TRHDE: variants seen among roughly 807,000 people sequenced by gnomAD.
TRHDE encodes the protein thyrotropin releasing hormone degrading enzyme, also known as thyrotropin-releasing hormone-degrading ectoenzyme.
A neutral mutation model predicts 125.7 loss-of-function variants in TRHDE; 72 were observed. That is an observed-to-expected ratio of 0.57 (90% CI 0.47 to 0.70). The LOEUF (loss-of-function observed/expected upper bound fraction) is 0.70, where lower values mean the gene tolerates loss of function less well. TRHDE is among the 30% of genes least tolerant of loss of function. TRHDE has a pLI of 0.00. For synonymous variants in TRHDE, 509 were observed against 509.1 expected (o/e 1.00, Z 0.00); for missense variants, 1,110 against 1,327.1 (o/e 0.84, Z 2.54).
chr12:72,539,698 A>G (rs1328534421), intron 6 of TRHDE, among the ~76,000 whole-genome samples: 1 of 151,930 alleles, frequency 6.6e-6, no homozygotes, highest in Non-Finnish European at 1.5e-5. Flanking sequence ...TAAATGATGA[A>G]TGGGTTTATA....
chr12:72,133,282 G>A (rs916185573), intron 2 of TRHDE, among the ~76,000 whole-genome samples: 10 of 152,242 alleles, frequency 6.6e-5, no homozygotes, highest in Non-Finnish European at 8.8e-5. Flanking sequence ...AGCAGTAACA[G>A]TGTAAGTAGA....
At chr12:72,518,488 C>T (rs896839166) in intron 6 of TRHDE, among the ~76,000 whole-genome samples, 4 of 151,798 alleles carry the variant, frequency 2.6e-5, no homozygotes, top group African/African-American at 7.3e-5. Flanking sequence ...TTTAGTTTTC[C>T]ATTTGCTTGG....
chr12:72,520,415 C>A (rs1276854033), intron 6 of TRHDE, among the ~76,000 whole-genome samples: 2 of 152,186 alleles, frequency 1.3e-5, no homozygotes, highest in African/African-American at 4.8e-5. Flanking sequence ...CAGGTGCCGA[C>A]CGTCACGCCT....
chr12:72,385,983 AG>A (rs1208018366), intron 3 of TRHDE, among the ~76,000 whole-genome samples: 5 of 152,222 alleles, frequency 3.3e-5, no homozygotes, highest in African/African-American at 1.2e-4. Flanking sequence ...TTTATTGAGT[AG>A]TAACTACGTG....
intron 3 of TRHDE, among the ~76,000 whole-genome samples, chr12:72,449,997 A>G (rs529969366): frequency 7.8e-4 from 119 of 151,946 alleles, no homozygotes; most frequent in African/African-American, 2.8e-3. Flanking sequence ...AGTGTGGTCT[A>G]TGCTTCTTTG....
At chr12:72,399,745 T>A (rs1046712171) in intron 3 of TRHDE, among the ~76,000 whole-genome samples, 49 of 152,264 alleles carry the variant, frequency 3.2e-4, no homozygotes, top group African/African-American at 1.1e-3. Flanking sequence ...TGTTGTTTTT[T>A]TCGTTCTGAT....
At position 72,189,307 on chromosome 12, in the gene TRHDE, G is replaced by A. The variant is rs76114986; in HGVS notation, n.279+83555G>A. Among the ~76,000 whole-genome samples the A allele has an allele frequency of 1.7e-3, 258 of 152,290 alleles. 2 individuals carry two copies. The East Asian group carries it at 0.038, about 22-fold the overall frequency. On this transcript the variant is annotated intron_variant and non_coding_transcript_variant, in intron 2 of 4. Coordinates refer to the TRHDE transcript ENST00000548156. ...AATAGTAGGATTTCAAACCTTACAGGTAAATGGGTATTCTGAGGGAAGAAT... is the reference window on the plus strand; with the variant it reads ...AATAGTAGGATTTCAAACCTTACAGATAAATGGGTATTCTGAGGGAAGAAT...
intron 2 of TRHDE, among the ~76,000 whole-genome samples, chr12:72,345,398 C>T (rs969907121): frequency 2.0e-5 from 3 of 152,004 alleles, no homozygotes; most frequent in African/African-American, 4.8e-5. Context: ...GATGCATAGT[C>T]GCACACCATT....
chr12:72,187,448 G>T (rs894433558), intron 2 of TRHDE, among the ~76,000 whole-genome samples: 85 of 146,012 alleles, frequency 5.8e-4, no homozygotes, highest in Non-Finnish European at 1.1e-3. Context: ...GGTGGGGGGG[G>T]TGGTGGTGGT....
intron 2 of TRHDE, among the ~76,000 whole-genome samples, chr12:72,322,050 T>A (rs1421965447): frequency 6.6e-6 from 1 of 152,184 alleles, no homozygotes; most frequent in Non-Finnish European, 1.5e-5. Context: ...ATCCTCATTC[T>A]TCACAGATTT....
intron 2 of TRHDE, among the ~76,000 whole-genome samples, chr12:72,155,684 G>A (rs1479238897): frequency 2.0e-5 from 3 of 152,208 alleles, no homozygotes; most frequent in Non-Finnish European, 2.9e-5. Flanking sequence ...CTGGGTATCA[G>A]CAGCAGAGGC....
chr12:72,125,116 T>C (rs1180525977), intron 2 of TRHDE, among the ~76,000 whole-genome samples: 1 of 152,194 alleles, frequency 6.6e-6, no homozygotes, highest in Non-Finnish European at 1.5e-5. Context: ...AAAATAAAAT[T>C]GACTTGTAAT....
At chr12:72,383,446 G>C (rs1872274454) in intron 3 of TRHDE, among the ~76,000 whole-genome samples, 1 of 139,402 alleles carries the variant, frequency 7.2e-6, no homozygotes, top group Non-Finnish European at 1.5e-5. Context: ...GTGTGATCTC[G>C]GCTGACTGCA....
At chr12:72,510,152 C>G (rs1001724759) in intron 6 of TRHDE, among the ~76,000 whole-genome samples, 1 of 152,182 alleles carries the variant, frequency 6.6e-6, no homozygotes, top group African/African-American at 2.4e-5. Flanking sequence ...TCCTGTTCTG[C>G]AAGTCTTCCT....
intron 2 of TRHDE, among the ~76,000 whole-genome samples, chr12:72,335,944 C>A (rs1170160498): frequency 6.6e-6 from 1 of 152,048 alleles, no homozygotes; most frequent in African/African-American, 2.4e-5. Flanking sequence ...TTGGATAATA[C>A]ATTTAACACA....
intron 6 of TRHDE, among the ~76,000 whole-genome samples, chr12:72,516,049 G>C (rs1418178432): frequency 2.0e-5 from 3 of 151,512 alleles, no homozygotes; most frequent in South Asian, 2.1e-4. Flanking sequence ...CTGTAGCCTT[G>C]TGTAGTATAG....
At chr12:72,521,641 A>G (rs948512994) in intron 6 of TRHDE, among the ~76,000 whole-genome samples, 1 of 152,204 alleles carries the variant, frequency 6.6e-6, no homozygotes, top group Non-Finnish European at 1.5e-5. Flanking sequence ...TCCCCTGGTA[A>G]GTACTATAAG....
chr12:72,263,068 T>C (rs937806726), intron 2 of TRHDE: 2 of 152,090 alleles, frequency 1.3e-5, no homozygotes, highest in African/African-American at 4.8e-5. Context: ...AGAGTAAAGG[T>C]AAAATGTGTT....
intron 6 of TRHDE, among the ~76,000 whole-genome samples, chr12:72,517,569 G>T (rs977165643): frequency 1.3e-5 from 2 of 151,542 alleles, no homozygotes; most frequent in Non-Finnish European, 2.9e-5. Flanking sequence ...CGGTCTATCA[G>T]TTTTGTTGAT....
Sources: allele counts gnomAD v4.1 joint callset (sites outside exome capture counted in the v4.1 genomes callset), GRCh38; gene constraint gnomAD v4.1.1; transcripts MANE v1.5; gene names NCBI Gene and HGNC (gene_info 2026-07-23, HGNC 2026-07-21).